The following OSBPL8 variants were observed in gnomAD, a reference collection of about 807,000 sequenced individuals.
OSBPL8 encodes the protein oxysterol-binding protein-related protein 8.
OSBPL8 carries 59 observed loss-of-function variants against 125.5 expected under a neutral mutation model. That is an observed-to-expected ratio of 0.47 (90% CI 0.38 to 0.58). The LOEUF (loss-of-function observed/expected upper bound fraction) is 0.58, where lower values mean the gene tolerates loss of function less well. OSBPL8 is among the 20% of genes least tolerant of loss of function. The pLI, the probability that OSBPL8 is intolerant of heterozygous loss-of-function variation, is 0.00. For synonymous variants in OSBPL8, 330 were observed against 338.9 expected (o/e 0.97, Z 0.29); for missense variants, 758 against 1,047.8 (o/e 0.72, Z 3.82).
At chr12:76,422,680 G>A (rs1340981341) in intron 4 of OSBPL8, 3 of 454,700 alleles carry the variant, frequency 6.6e-6, no homozygotes, top group South Asian at 3.1e-5. Context: ...TAATGTATAT[G>A]CTCACCCAAA....
At chr12:76,375,236 C>A in intron 17 of OSBPL8, 37 bp downstream of exon 17, 1 of 1,387,696 alleles carries the variant, frequency 7.2e-7, no homozygotes. Context: ...TATGGCTCTC[C>A]TTTAGCTAGG....
chr12:76,485,943 TAA>T (rs1449370900), intron 2 of OSBPL8: 5 of 336,266 alleles, frequency 1.5e-5, no homozygotes, highest in Admixed American at 4.0e-5. Flanking sequence ...TAAAAAAAGG[TAA>T]AGTTTATCAT....
At chr12:76,379,838 G>A (rs930954927) in intron 15 of OSBPL8, among the ~76,000 whole-genome samples, 3 of 152,116 alleles carry the variant, frequency 2.0e-5, no homozygotes, top group African/African-American at 7.2e-5. Context: ...AAGTCTTTAT[G>A]TAGACATCTA....
intron 1 of OSBPL8, among the ~76,000 whole-genome samples, chr12:76,496,294 C>T (rs1277419306): frequency 6.6e-6 from 1 of 152,082 alleles, no homozygotes; most frequent in African/African-American, 2.4e-5. Context: ...GACCCTTCCC[C>T]TTCTGTGCTG....
intron 2 of OSBPL8, among the ~76,000 whole-genome samples, chr12:76,474,669 A>C (rs1057002031): frequency 5.9e-5 from 9 of 152,034 alleles, no homozygotes; most frequent in Admixed American, 6.5e-5. Context: ...TATTTGTAGA[A>C]ACAAGGTCTC....
chr12:76,535,289 T>A (rs1950461378), intron 1 of OSBPL8, among the ~76,000 whole-genome samples: 1 of 151,888 alleles, frequency 6.6e-6, no homozygotes, highest in South Asian at 2.1e-4. Context: ...AACAATTTTT[T>A]AAATGAATAA....
intron 21 of OSBPL8, among the ~76,000 whole-genome samples, chr12:76,366,027 G>T (rs1405018017): frequency 6.6e-6 from 1 of 152,146 alleles, no homozygotes; most frequent in Non-Finnish European, 1.5e-5. Context: ...TATTTATAAA[G>T]GTTATTGTTT....
chr12:76,427,063 A>C (rs1870235701), intron 4 of OSBPL8, among the ~76,000 whole-genome samples: 1 of 152,168 alleles, frequency 6.6e-6, no homozygotes. Flanking sequence ...ATGGTGGTAA[A>C]ATAAATGTGG....
chr12:76,515,426 G>C (rs1222725722), intron 1 of OSBPL8, among the ~76,000 whole-genome samples: 2 of 152,178 alleles, frequency 1.3e-5, no homozygotes, highest in African/African-American at 4.8e-5. Flanking sequence ...TGTTAGAGAG[G>C]TATTTTTGGT....
chr12:76,456,184 T>A (rs1874017888), intron 3 of OSBPL8, among the ~76,000 whole-genome samples: 1 of 152,342 alleles, frequency 6.6e-6, no homozygotes, highest in Non-Finnish European at 1.5e-5. Context: ...AGTAATTTTT[T>A]AAAGTCATAA....
chr12:76,376,317 T>C (rs1322790587), intron 16 of OSBPL8, among the ~76,000 whole-genome samples: 1 of 152,242 alleles, frequency 6.6e-6, no homozygotes, highest in Non-Finnish European at 1.5e-5. Flanking sequence ...AGGCAGCCTT[T>C]AACATGCAAT....
chr12:76,453,153 G>A (rs7302005), intron 3 of OSBPL8, among the ~76,000 whole-genome samples: 26,653 of 152,018 alleles, frequency 0.18, 2,506 homozygotes, highest in Middle Eastern at 0.24. Flanking sequence ...ATGAGAGAAG[G>A]AAGTTTTGTC....
intron 1 of OSBPL8, among the ~76,000 whole-genome samples, chr12:76,518,927 T>G (rs973096034): frequency 3.3e-5 from 5 of 152,318 alleles, no homozygotes; most frequent in African/African-American, 1.2e-4. Context: ...CTAAGATCTC[T>G]GGAAAAGGCT....
chr12:76,427,054 T>C (rs1022053087), intron 4 of OSBPL8, among the ~76,000 whole-genome samples: 4 of 152,144 alleles, frequency 2.6e-5, no homozygotes, highest in African/African-American at 9.7e-5. Context: ...TTCATCTGAA[T>C]GGTGGTAAAA....
At chr12:76,522,286 A>C (rs1882137109) in intron 1 of OSBPL8, among the ~76,000 whole-genome samples, 1 of 152,136 alleles carries the variant, frequency 6.6e-6, no homozygotes, top group South Asian at 2.1e-4. Context: ...AGAGAAAAAA[A>C]GTTCTTCAAT....
intron 4 of OSBPL8, among the ~76,000 whole-genome samples, chr12:76,441,989 A>G (rs75220563): frequency 0.043 from 6,617 of 152,264 alleles, 518 homozygotes; most frequent in African/African-American, 0.15. Flanking sequence ...AATACATAAC[A>G]TATTTTCCAT....
intron 5 of OSBPL8, 29 bp downstream of exon 5, chr12:76,410,535 T>G: frequency 6.7e-7 from 1 of 1,488,942 alleles, no homozygotes; most frequent in Non-Finnish European, 9.3e-7. Flanking sequence ...GAATATGTCA[T>G]AATCATGTAT....
At chr12:76,492,034 T>G (rs1270780439) in intron 1 of OSBPL8, among the ~76,000 whole-genome samples, 1 of 152,070 alleles carries the variant, frequency 6.6e-6, no homozygotes, top group South Asian at 2.1e-4. Flanking sequence ...GGAGCCTATA[T>G]TCTGGAAGGG....
chr12:76,427,225 A>C (rs1026210220), intron 4 of OSBPL8, among the ~76,000 whole-genome samples: 1 of 152,124 alleles, frequency 6.6e-6, no homozygotes, highest in African/African-American at 2.4e-5. Flanking sequence ...AAGCAGTGGA[A>C]ACAACATTAT....
Sources: gnomAD v4.1 joint callset for allele counts (sites outside exome capture counted in the v4.1 genomes callset) on GRCh38, gnomAD v4.1.1 for gene constraint, MANE v1.5 for transcripts, NCBI Gene and HGNC (gene_info 2026-07-23, HGNC 2026-07-21) for gene names.